KPNA3: variants seen among roughly 807,000 people sequenced by gnomAD.
KPNA3 encodes importin subunit alpha-4.
In KPNA3, 13 loss-of-function variants were observed where a neutral mutation model predicts 73.8. The observed-to-expected ratio is 0.18, with a 90% confidence interval of 0.11 to 0.28. KPNA3 has a LOEUF of 0.28. KPNA3 is among the 10% of genes least tolerant of loss of function. The pLI is 1.00. For missense variants in KPNA3, 360 were observed against 618.1 expected (o/e 0.58, Z 4.43); for synonymous variants, 186 against 206.9 (o/e 0.90, Z 0.87).
At chr13:49,779,345 C>A (rs969610166) in intron 1 of KPNA3, among the ~76,000 whole-genome samples, 3 of 152,140 alleles carry the variant, frequency 2.0e-5, no homozygotes, top group African/African-American at 7.2e-5. Flanking sequence ...ACCCTTCATT[C>A]TCTATAGTTA....
intron 1 of KPNA3, among the ~76,000 whole-genome samples, chr13:49,775,473 C>T (rs1954890582): frequency 6.6e-6 from 1 of 152,120 alleles, no homozygotes; most frequent in South Asian, 2.1e-4. Flanking sequence ...GTCACTGTGA[C>T]AAACTAGGGA....
chr13:49,729,172 C>G (rs1417309160), intron 6 of KPNA3, among the ~76,000 whole-genome samples: 1 of 152,042 alleles, frequency 6.6e-6, no homozygotes, highest in Non-Finnish European at 1.5e-5. Context: ...CACTTTTCCA[C>G]AAACTTTTAA....
chr13:49,773,435 C>T (rs542574588), intron 1 of KPNA3, among the ~76,000 whole-genome samples: 2 of 152,026 alleles, frequency 1.3e-5, no homozygotes, highest in South Asian at 2.1e-4. Context: ...AAGATTTTTT[C>T]GATGATATAA....
chr13:49,739,417 G>A (rs1395957136), intron 2 of KPNA3, among the ~76,000 whole-genome samples: 2 of 152,142 alleles, frequency 1.3e-5, no homozygotes, highest in Non-Finnish European at 2.9e-5. Flanking sequence ...TTGTGACTAT[G>A]CAAGTTACTT....
At chr13:49,726,858 T>TG (rs925702936) in intron 6 of KPNA3, among the ~76,000 whole-genome samples, 1 of 150,700 alleles carries the variant, frequency 6.6e-6, no homozygotes, top group African/African-American at 2.4e-5. Flanking sequence ...GGGGGTGGGA[T>TG]GGGGGGATTG....
intron 15 of KPNA3, among the ~76,000 whole-genome samples, chr13:49,703,103 C>T (rs9591294): frequency 0.12 from 17,873 of 151,550 alleles, 2,061 homozygotes; most frequent in East Asian, 0.56. Context: ...CTCCTGACCT[C>T]GTGATCTGCC....
At chr13:49,731,124 G>A (rs1954464683) in intron 6 of KPNA3, among the ~76,000 whole-genome samples, 1 of 149,738 alleles carries the variant, frequency 6.7e-6, no homozygotes, top group Non-Finnish European at 1.5e-5. Flanking sequence ...ACCCAGGCTG[G>A]AGTGCAATGG....
At position 49,706,105 on chromosome 13, in the gene KPNA3, T is replaced by C; in HGVS notation, c.1202A>G (p.Lys401Arg). The change falls in exon 14 of 17, where the codon AAA becomes AGA. Residue 401 changes from lysine (K) to arginine (R), a missense_variant. Lys to Arg is a conservative substitution (Grantham distance 26). Coordinates refer to ENST00000261667, the MANE Select transcript of KPNA3 (RefSeq NM_002267.4). The stretch of plus-strand genomic sequence containing the variant: ...ACAGGTTTTCAAACTCACCTGATCT[T>C]TTCTGCCACTTATTGTTAAGTTGCT... The part of the protein sequence containing the change: ...AISNLTISGR[K>R]DQVEYLVQQN... 4 of 1,613,708 alleles carry C rather than the reference T, an allele frequency of 2.5e-6. No individual in the cohort carries two copies. The highest frequency in any genetic ancestry group is 3.4e-6 in the Non-Finnish European group (4 of 1,179,880).
At position 49,732,957 on chromosome 13, in the gene KPNA3, T is replaced by A; in HGVS notation, c.204A>T (p.Ala68=). 6.3e-7 allele frequency: 1 copy of A among 1,585,810 alleles called. No individual in the cohort carries two copies. Among genetic ancestry groups the A allele is most frequent in the Non-Finnish European group, 8.6e-7 (1 of 1,157,318 alleles). ...EDSDVDADFK[A]QNVTLEAILQ... Reference sequence around the variant, plus strand: ...TCACTATTAAAACATGGTAACTTACTGCTTTAAAATCAGCATCAACATCTG... The same window carrying A: ...TCACTATTAAAACATGGTAACTTACAGCTTTAAAATCAGCATCAACATCTG... Residue 68 remains alanine, a splice_region_variant and synonymous_variant, in exon 3 of 17, where the codon GCA becomes GCT. Transcript: ENST00000261667.
chr13:49,718,998 A>C (rs1161816748), intron 10 of KPNA3, among the ~76,000 whole-genome samples: 1 of 152,114 alleles, frequency 6.6e-6, no homozygotes, highest in Admixed American at 6.5e-5. Flanking sequence ...ATATACAACA[A>C]ATCAGAAAGA....
At chr13:49,762,869 AT>A (rs1194673705) in intron 1 of KPNA3, among the ~76,000 whole-genome samples, 3 of 151,284 alleles carry the variant, frequency 2.0e-5, no homozygotes, top group East Asian at 3.9e-4. Flanking sequence ...AATAAAAAAA[AT>A]AAAATTAAAT....
rs571451190 is a variant in KPNA3, at chr13:49,792,578, G to A, written c.-72C>T. On this transcript the variant is annotated 5_prime_UTR_variant, in exon 1 of 17. Transcript: ENST00000261667. The stretch of plus-strand genomic sequence containing the variant: ...GGCGGCGGCGAATCTTGGAGCGGGA[G>A]GGGGAGGAGGGGGAGAGCGGGAGGG... The A allele has an allele frequency of 4.8e-5, 39 of 805,542 alleles. No homozygotes were observed. Among genetic ancestry groups the A allele is most frequent in the East Asian group, 6.4e-5 (2 of 31,310 alleles). 49.9% of individuals were successfully genotyped at this position (805,542 alleles called of 1,614,324 possible). A position where few individuals can be genotyped will look rare whatever the true frequency, so the allele number is the denominator to read the frequency against.
At chr13:49,788,779 T>G (rs1421501750) in intron 1 of KPNA3, among the ~76,000 whole-genome samples, 1 of 150,418 alleles carries the variant, frequency 6.6e-6, no homozygotes, top group East Asian at 2.0e-4. Context: ...AAAGGAAATG[T>G]TTCCCTTTCA....
In KPNA3 at chr13:49,761,632, C is replaced by T. The variant is rs1311366033; in HGVS notation, c.70-14639G>A. ...CGCCTGCCTTGGCCTCCCAAAGTGC[C>T]GAGATTGCAGCCTCTGCCCAGCCGC... On this transcript the variant is annotated intron_variant, in intron 1 of 16. Coordinates refer to ENST00000261667, the MANE Select transcript of KPNA3 (RefSeq NM_002267.4). Among the ~76,000 whole-genome samples, 5 of 152,056 alleles carry T rather than the reference C, an allele frequency of 3.3e-5. No individual in the cohort carries two copies. The South Asian group carries it at 8.3e-4, about 25-fold the overall frequency.
At chr13:49,731,269 T>TTTTTTTTTTTG (rs1954466993) in intron 6 of KPNA3, among the ~76,000 whole-genome samples, 1 of 140,710 alleles carries the variant, frequency 7.1e-6, no homozygotes, top group Non-Finnish European at 1.5e-5. Context: ...TTTTTTTTTT[T>TTTTTTTTTTTG]GTAGAGCTGG....
chr13:49,792,566 CT>C lies in KPNA3; in HGVS notation c.-61del. On this transcript the variant is annotated 5_prime_UTR_variant, in exon 1 of 17. Transcript: ENST00000261667. ...GGCTGCGGCGGCGGCGGCGGCGAATCTTGGAGCGGGAGGGGGAGGAGGGGGA... is the reference window on the plus strand; with the variant it reads ...GGCTGCGGCGGCGGCGGCGGCGAATCTGGAGCGGGAGGGGGAGGAGGGGGA... 1.6e-6 allele frequency: 1 copy of C among 620,310 alleles called. No individual in the cohort carries two copies. The highest frequency in any genetic ancestry group is 2.5e-6 in the Non-Finnish European group (1 of 404,194). The allele number at this position is 620,310 out of a possible 1,614,324, so 38.4% of individuals were successfully genotyped here.
At chr13:49,742,868 C>G (rs574842985) in intron 2 of KPNA3, among the ~76,000 whole-genome samples, 1 of 152,280 alleles carries the variant, frequency 6.6e-6, no homozygotes, top group Admixed American at 6.5e-5. Context: ...CGGCCTATAT[C>G]TGAAGTATTT....
chr13:49,721,856 T>C (rs1954362440), intron 9 of KPNA3, 99 bp downstream of exon 9: 1 of 766,768 alleles, frequency 1.3e-6, no homozygotes, highest in Non-Finnish European at 1.9e-6. Context: ...ACACCTGCAA[T>C]GAAATCAGTA....
chr13:49,792,321 G>A (rs1199070119), intron 1 of KPNA3, 117 bp downstream of exon 1: 4 of 488,724 alleles, frequency 8.2e-6, no homozygotes, highest in Non-Finnish European at 1.2e-5. Context: ...GGGAGGCGGC[G>A]GCCAACTCCG....
Sources: allele counts gnomAD v4.1 joint callset (sites outside exome capture counted in the v4.1 genomes callset), GRCh38; gene constraint gnomAD v4.1.1; transcripts MANE v1.5; gene names NCBI Gene and HGNC (gene_info 2026-07-23, HGNC 2026-07-21).